Variants in ASTN2 observed in about 807,000 individuals in gnomAD.
ASTN2 encodes astrotactin 2.
In ASTN2, 54 loss-of-function variants were observed where a neutral mutation model predicts 139.8. The observed-to-expected ratio is 0.39, with a 90% CI of 0.31 to 0.48. The LOEUF (loss-of-function observed/expected upper bound fraction) is 0.48. Among genes scored for constraint, ASTN2 ranks in the 20% least tolerant of loss-of-function variants. ASTN2 has a pLI of 0.95. For missense variants in ASTN2, 1,565 were observed against 1,725.1 expected, an observed-to-expected ratio of 0.91 and a Z score of 1.64; for synonymous variants, 756 against 719.5, an observed-to-expected ratio of 1.05 and a Z score of -0.81.
intron 13 of ASTN2, among the ~76,000 whole-genome samples, chr9:116,759,947 G>A (rs778711788): frequency 2.6e-5 from 4 of 152,120 alleles, no homozygotes; most frequent in African/African-American, 7.2e-5. Context: ...TTAAATATCC[G>A]TTTAATGTCA....
At chr9:117,130,009 A>C (rs1301401139) in intron 4 of ASTN2, among the ~76,000 whole-genome samples, 1 of 152,116 alleles carries the variant, frequency 6.6e-6, no homozygotes, top group East Asian at 1.9e-4. Context: ...ATTTTGTTTA[A>C]TATATCCTAT....
intron 7 of ASTN2, among the ~76,000 whole-genome samples, chr9:116,993,992 A>G (rs907101551): frequency 4.0e-5 from 6 of 151,624 alleles, no homozygotes; most frequent in Middle Eastern, 3.4e-3. Context: ...TTCTTCTGTC[A>G]GAGCCTCACA....
At chr9:117,105,316 T>G (rs1344697999) in intron 4 of ASTN2, among the ~76,000 whole-genome samples, 1 of 152,178 alleles carries the variant, frequency 6.6e-6, no homozygotes, top group Non-Finnish European at 1.5e-5. Flanking sequence ...TTAGGAAAAC[T>G]GCCACGGTGC....
In ASTN2 at chr9:117,117,412, G is replaced by A. The variant is rs118146665; in HGVS notation, c.1169-21261C>T. Reference sequence around the variant, plus strand: ...ACGAAGAAAGAGAAAAAAAAAAAACGCAACTCCACTAATACCCAAAGTTGT... The same window carrying A: ...ACGAAGAAAGAGAAAAAAAAAAAACACAACTCCACTAATACCCAAAGTTGT... On this transcript the variant is annotated intron_variant, in intron 4 of 22. Transcript: ENST00000313400. 4.8e-3 allele frequency among the ~76,000 whole-genome samples: 684 copies of A among 142,468 alleles called. 22 individuals carry two copies. In the East Asian group the frequency reaches 0.084, roughly 17 times the overall value. The allele number at this position is 142,468 out of a possible 152,430, so 93.5% of individuals were successfully genotyped here.
intron 16 of ASTN2, among the ~76,000 whole-genome samples, chr9:116,652,028 C>T (rs538358230): frequency 4.6e-5 from 7 of 152,122 alleles, no homozygotes; most frequent in Non-Finnish European, 8.8e-5. Context: ...TTTGTCTGGC[C>T]CTCATTTTTC....
chr9:116,441,328 A>G (rs1847833085), intron 21 of ASTN2, among the ~76,000 whole-genome samples: 1 of 151,870 alleles, frequency 6.6e-6, no homozygotes, highest in Admixed American at 6.6e-5. Flanking sequence ...AGTAACTTCA[A>G]TACATCATGA....
intron 19 of ASTN2, chr9:116,504,265 G>C (rs1318209336): frequency 6.6e-6 from 1 of 152,164 alleles, no homozygotes; most frequent in Non-Finnish European, 1.5e-5. Context: ...GGAATGGTGA[G>C]CTTTGGAATG....
chr9:116,532,775 T>C (rs1851414817), intron 19 of ASTN2, among the ~76,000 whole-genome samples: 2 of 152,360 alleles, frequency 1.3e-5, no homozygotes, highest in African/African-American at 4.8e-5. Context: ...CCTTGTAGTA[T>C]AGTTTGAAGT....
intron 13 of ASTN2, among the ~76,000 whole-genome samples, chr9:116,792,954 G>A (rs1830596191): frequency 6.6e-6 from 1 of 152,106 alleles, no homozygotes; most frequent in Admixed American, 6.5e-5. Context: ...TACTGAGGGG[G>A]GAAGGAGAAA....
chr9:116,934,073 G>T (rs1177775081), intron 10 of ASTN2, among the ~76,000 whole-genome samples: 2 of 149,244 alleles, frequency 1.3e-5, no homozygotes, highest in African/African-American at 4.9e-5. Flanking sequence ...GGGGGCTCAG[G>T]CAGCAGCTAT....
intron 16 of ASTN2, among the ~76,000 whole-genome samples, chr9:116,723,929 G>A (rs1237231010): frequency 1.3e-5 from 2 of 148,670 alleles, no homozygotes; most frequent in African/African-American, 5.0e-5. Context: ...GGTCTTGAGG[G>A]GGACCCCTCC....
intron 11 of ASTN2, among the ~76,000 whole-genome samples, chr9:116,858,434 G>A (rs2148544): frequency 0.32 from 48,795 of 152,050 alleles, 8,073 homozygotes; most frequent in South Asian, 0.39. Context: ...CATTAGTGAA[G>A]TGCGTCAGGG....
intron 13 of ASTN2, among the ~76,000 whole-genome samples, chr9:116,749,821 G>A (rs1564247059): frequency 2.0e-5 from 3 of 152,122 alleles, no homozygotes; most frequent in African/African-American, 7.2e-5. Context: ...TTGTTTAAGC[G>A]AGTGTGGCAC....
intron 22 of ASTN2, among the ~76,000 whole-genome samples, chr9:116,437,759 G>A (rs1010954003): frequency 4.6e-5 from 7 of 152,164 alleles, no homozygotes; most frequent in Admixed American, 2.0e-4. Flanking sequence ...ACTTCTGCCC[G>A]CCAGTCTGGC....
At chr9:117,221,061 C>T (rs1317791284) in intron 2 of ASTN2, among the ~76,000 whole-genome samples, 2 of 152,194 alleles carry the variant, frequency 1.3e-5, no homozygotes, top group African/African-American at 2.4e-5. Context: ...GCTTAATAAA[C>T]ACATCCAGAA....
At chr9:116,439,597 G>A (rs1847780922) in intron 22 of ASTN2, among the ~76,000 whole-genome samples, 1 of 152,220 alleles carries the variant, frequency 6.6e-6, no homozygotes, top group South Asian at 2.1e-4. Context: ...TGGTAGGCAA[G>A]TGATCAAAAG....
At chr9:116,592,101 T>C (rs911350626) in intron 19 of ASTN2, among the ~76,000 whole-genome samples, 1 of 152,304 alleles carries the variant, frequency 6.6e-6, no homozygotes, top group African/African-American at 2.4e-5. Context: ...AAATTTTAAA[T>C]CATCTCTAGA....
At chr9:116,670,966 C>G (rs10983300) in intron 16 of ASTN2, among the ~76,000 whole-genome samples, 23,832 of 151,858 alleles carry the variant, frequency 0.16, 2,386 homozygotes, top group Non-Finnish European at 0.23. Context: ...CATATCAACT[C>G]AAGGAAATAA....
chr9:117,110,632 A>T (rs1422670078), intron 4 of ASTN2, among the ~76,000 whole-genome samples: 1 of 152,206 alleles, frequency 6.6e-6, no homozygotes, highest in African/African-American at 2.4e-5. Context: ...ATAATGATAC[A>T]TTCTGGACAA....
Sources: allele counts gnomAD v4.1 joint callset (sites outside exome capture counted in the v4.1 genomes callset), GRCh38; gene constraint gnomAD v4.1.1; transcripts MANE v1.5; gene names NCBI Gene and HGNC (gene_info 2026-07-23, HGNC 2026-07-21).